Variants in KHDRBS1 observed in about 807,000 individuals in gnomAD.
KHDRBS1 encodes KH RNA binding domain containing, signal transduction associated 1.
In KHDRBS1, 7 loss-of-function variants were observed where a neutral mutation model predicts 48.4. The ratio of observed to expected loss-of-function variants is 0.14; its 90% CI spans 0.08 to 0.27. The LOEUF is 0.27. KHDRBS1 is among the 10% of genes least tolerant of loss of function. KHDRBS1 has a pLI of 1.00. For synonymous variants in KHDRBS1, 241 were observed against 235.8 expected (o/e 1.02, Z -0.20); for missense variants, 458 against 601.2 (o/e 0.76, Z 2.49).
At chr1:32,025,512 G>T (rs1638950146) in intron 1 of KHDRBS1, among the ~76,000 whole-genome samples, 1 of 150,950 alleles carries the variant, frequency 6.6e-6, no homozygotes, top group Non-Finnish European at 1.5e-5. Flanking sequence ...TATTGGTCAG[G>T]CTGGTCTCGA....
chr1:32,022,415 C>T lies in KHDRBS1; in HGVS notation c.383-7883C>T, dbSNP rs963507524. On this transcript the variant is annotated intron_variant, in intron 1 of 8. Coordinates refer to ENST00000327300, the MANE Select transcript of KHDRBS1 (RefSeq NM_006559.3). ...GAAGGAGTCCAGAGATTGTTAACAA[C>T]AGGCAAAGGAGGAGTGCTGTGTTTA... 8.5e-5 allele frequency among the ~76,000 whole-genome samples: 13 copies of T among 152,256 alleles called. No homozygotes were observed. The East Asian group carries it at 2.3e-3, about 27-fold the overall frequency.
At chr1:32,029,572 G>T (rs1166162567) in intron 1 of KHDRBS1, among the ~76,000 whole-genome samples, 1 of 152,114 alleles carries the variant, frequency 6.6e-6, no homozygotes, top group Non-Finnish European at 1.5e-5. Flanking sequence ...CAGAAGAATT[G>T]CTTGAACCCA....
intron 2 of KHDRBS1, among the ~76,000 whole-genome samples, chr1:32,030,895 T>C (rs1299251218): frequency 6.6e-6 from 1 of 152,008 alleles, no homozygotes; most frequent in Non-Finnish European, 1.5e-5. Flanking sequence ...CAGCGTGTTA[T>C]CAAAGGGTGC....
intron 10 of KHDRBS1, among the ~76,000 whole-genome samples, chr1:32,050,247 C>G (rs541895085): frequency 6.6e-6 from 1 of 152,232 alleles, no homozygotes; most frequent in Non-Finnish European, 1.5e-5. Context: ...GATAATTTGT[C>G]TTTTTATTAG....
In KHDRBS1 at chr1:32,035,282, G is replaced by T. The variant is rs78624953; in HGVS notation, c.772-1628G>T. Among the ~76,000 whole-genome samples, 850 of 152,154 alleles carry T rather than the reference G, an allele frequency of 5.6e-3. 9 individuals are homozygous for T. The highest frequency in any genetic ancestry group is 0.02 in the African/African-American group (819 of 41,482). On this transcript the variant is annotated intron_variant, in intron 4 of 8. Coordinates refer to ENST00000327300, the MANE Select transcript of KHDRBS1 (RefSeq NM_006559.3). ...TTTCCTCAGTGTTGATGTGGCAGTT[G>T]GAGGAGTCTGAGCAATGGTCTGGCA...
chr1:32,038,419 G>A, intron 6 of KHDRBS1, 133 bp from the exon 7 acceptor site: 1 of 835,828 alleles, frequency 1.2e-6, no homozygotes, highest in Non-Finnish European at 1.9e-6. Context: ...TCTACAGTAG[G>A]CATTAACATT....
chr1:32,014,096 C>T lies in KHDRBS1; in HGVS notation c.101C>T (p.Pro34Leu). ...GCCCACCCCTCGGTGCGTCAGACGC[C>T]GTCTCGGCAGCCGCCGCTGCCTCAC... ...SGAHPSVRQT[P>L]SRQPPLPHRS... Residue 34 changes from proline (P) to leucine (L), a missense_variant, in exon 1 of 9, where the codon CCG becomes CTG. By Grantham distance (98) the Pro-to-Leu change is moderately conservative. Transcript: ENST00000327300. 1 of 1,446,684 alleles carries T rather than the reference C, an allele frequency of 6.9e-7. No individual in the cohort carries two copies. Among genetic ancestry groups the T allele is most frequent in the South Asian group, 1.4e-5 (1 of 73,762 alleles). The allele number at this position is 1,446,684 out of a possible 1,614,324, so 89.6% of individuals were successfully genotyped here. A position where few individuals can be genotyped will look rare whatever the true frequency, so the allele number is the denominator to read the frequency against.
At position 32,022,540 on chromosome 1, in the gene KHDRBS1, C is replaced by T. The variant is rs548374918; in HGVS notation, c.383-7758C>T. Among the ~76,000 whole-genome samples the T allele has an allele frequency of 1.1e-4, 17 of 152,248 alleles. No individual in the cohort carries two copies. In the South Asian group the frequency reaches 2.7e-3, roughly 24 times the overall value. ...AGAATCTTGCTCTCCTAGAAATACT[C>T]GCTCTGGATACTTAGAAAATCTTGA... On this transcript the variant is annotated intron_variant, in intron 1 of 8. Transcript: ENST00000327300.
intron 4 of KHDRBS1, among the ~76,000 whole-genome samples, chr1:32,035,352 T>C (rs780467939): frequency 6.6e-6 from 1 of 152,018 alleles, no homozygotes; most frequent in Non-Finnish European, 1.5e-5. Context: ...GCAGCGGTAA[T>C]GTGTAAGGTA....
intron 1 of KHDRBS1, among the ~76,000 whole-genome samples, chr1:32,030,019 A>G (rs191575262): frequency 2.2e-4 from 33 of 152,234 alleles, no homozygotes; most frequent in Non-Finnish European, 5.9e-5. Context: ...ATCTCACCCA[A>G]TTAATTTTGT....
intron 1 of KHDRBS1, among the ~76,000 whole-genome samples, chr1:32,022,819 G>A (rs1026925401): frequency 6.6e-6 from 1 of 152,068 alleles, no homozygotes; most frequent in African/African-American, 2.4e-5. Context: ...GAACCCGGGA[G>A]GCGGAGGTTG....
downstream of KHDRBS1, among the ~76,000 whole-genome samples, chr1:32,047,462 C>G (rs999023220): frequency 6.6e-6 from 1 of 152,206 alleles, no homozygotes; most frequent in African/African-American, 2.4e-5. Context: ...CCCGGCCAGC[C>G]TGTGAACTTT....
chr1:32,031,690 C>T (rs749339024), intron 3 of KHDRBS1, 50 bp downstream of exon 3: 1 of 1,183,362 alleles, frequency 8.5e-7, no homozygotes, highest in Non-Finnish European at 1.2e-6. Flanking sequence ...CTTCTACTTG[C>T]CCAGAATGCA....
At chr1:32,036,248 T>C (rs900697227) in intron 4 of KHDRBS1, among the ~76,000 whole-genome samples, 5 of 143,418 alleles carry the variant, frequency 3.5e-5, no homozygotes, top group African/African-American at 1.3e-4. Flanking sequence ...CTTGGCTCAC[T>C]GCAAGCTCCG....
In KHDRBS1 at chr1:32,031,510, CTATTTTCTGTCAGTTCAA is replaced by C. The variant is rs1639080642; in HGVS notation, c.508-12_513del. On this transcript the variant is annotated splice_acceptor_variant and splice_polypyrimidine_tract_variant and coding_sequence_variant and intron_variant, in exon 3 of 9. Transcript: ENST00000327300. LOFTEE classifies it high-confidence loss of function. ...AGTAGCATGTATATTTAGAAATCCTCTATTTTCTGTCAGTTCAATTTTGTGGGGAAGATTCTTGGACCA... is the reference window on the plus strand; with the variant it reads ...AGTAGCATGTATATTTAGAAATCCTCTTTTGTGGGGAAGATTCTTGGACCA... 6.7e-7 allele frequency: 1 copy of C among 1,491,976 alleles called. No individual in the cohort carries two copies. Among genetic ancestry groups the C allele is most frequent in the Non-Finnish European group, 9.2e-7 (1 of 1,089,208 alleles). 92.4% of individuals were successfully genotyped at this position (1,491,976 alleles called of 1,614,324 possible).
intron 10 of KHDRBS1, among the ~76,000 whole-genome samples, chr1:32,055,205 T>A (rs1027447894): frequency 1.3e-5 from 2 of 152,158 alleles, no homozygotes; most frequent in Admixed American, 1.3e-4. Flanking sequence ...ATCCCAGCAC[T>A]TTGGGAAGCC....
At chr1:32,057,661 T>A (rs954686209) in intron 10 of KHDRBS1, among the ~76,000 whole-genome samples, 1 of 149,678 alleles carries the variant, frequency 6.7e-6, no homozygotes, top group East Asian at 2.0e-4. Flanking sequence ...TAGCTGGGCA[T>A]GGTGGCGGGT....
intron 5 of KHDRBS1, 59 bp from the exon 6 acceptor site, chr1:32,037,776 G>C: frequency 6.4e-7 from 1 of 1,566,642 alleles, no homozygotes; most frequent in Non-Finnish European, 8.8e-7. Flanking sequence ...AAACAAATCA[G>C]AACATAAAAG....
intron 1 of KHDRBS1, among the ~76,000 whole-genome samples, chr1:32,028,800 T>C (rs188524535): frequency 6.6e-6 from 1 of 151,388 alleles, no homozygotes; most frequent in Admixed American, 6.6e-5. Context: ...CCACCGCACC[T>C]GGCCTATTTT....
Sources: allele counts gnomAD v4.1 joint callset (sites outside exome capture counted in the v4.1 genomes callset), GRCh38; gene constraint gnomAD v4.1.1; transcripts MANE v1.5; gene names NCBI Gene and HGNC (gene_info 2026-07-23, HGNC 2026-07-21).